The following APBB2 variants were observed in gnomAD, a reference collection of about 807,000 sequenced individuals.
APBB2 encodes the protein amyloid beta precursor protein binding family B member 2, also known as Fe65-like 1.
APBB2 carries 38 observed loss-of-function variants against 82.5 expected under a neutral mutation model. The ratio of observed to expected loss-of-function variants is 0.46; its 90% CI spans 0.36 to 0.60. The LOEUF is 0.60. Ranked by LOEUF, APBB2 falls within the 20% of genes least tolerant of loss-of-function variation. The pLI is 0.00. For missense variants in APBB2, 772 were observed against 972.3 expected, an observed-to-expected ratio of 0.79 and a Z score of 2.74; for synonymous variants, 341 against 368.2, an observed-to-expected ratio of 0.93 and a Z score of 0.85.
chr4:40,890,567 A>C lies in APBB2; in HGVS notation c.1402-76T>G, dbSNP rs1771709882. The C allele has an allele frequency of 1.3e-6, 2 of 1,565,952 alleles. 1 individual carries two copies. Among genetic ancestry groups the C allele is most frequent in the South Asian group, 2.4e-5 (2 of 84,850 alleles). ...CTAATCGTGTGTGTGGCCATCTAGG[A>C]ATGCCGTGTCAACCATCAGAAGAAG... is the stretch of plus-strand genomic sequence containing the variant. On this transcript the variant is annotated intron_variant, in intron 11 of 17. Coordinates refer to ENST00000508593, the MANE Select transcript of APBB2 (RefSeq NM_004307.2).
intron 4 of APBB2, among the ~76,000 whole-genome samples, chr4:41,042,643 A>G (rs1721959987): frequency 6.6e-6 from 1 of 150,944 alleles, no homozygotes; most frequent in South Asian, 2.1e-4. Context: ...GTGTTGGGAG[A>G]CTTGGGTAGG....
At chr4:40,919,480 T>A (rs1780713148) in intron 10 of APBB2, among the ~76,000 whole-genome samples, 1 of 152,200 alleles carries the variant, frequency 6.6e-6, no homozygotes. Context: ...CACTTTAAAT[T>A]TCTCTGGAAA....
intron 12 of APBB2, among the ~76,000 whole-genome samples, chr4:40,872,514 C>G (rs115116730): frequency 0.013 from 1,924 of 152,268 alleles, 49 homozygotes; most frequent in African/African-American, 0.044. Context: ...CCCATGAGGG[C>G]AAGAACCATG....
intron 1 of APBB2, among the ~76,000 whole-genome samples, chr4:41,176,829 G>T (rs990024854): frequency 3.9e-5 from 6 of 152,128 alleles, no homozygotes; most frequent in African/African-American, 1.4e-4. Context: ...AAAAAAATTT[G>T]AGATCTTATT....
At chr4:40,939,148 C>T (rs1786175877) in intron 7 of APBB2, among the ~76,000 whole-genome samples, 1 of 152,212 alleles carries the variant, frequency 6.6e-6, no homozygotes, top group Non-Finnish European at 1.5e-5. Flanking sequence ...ATAAGAAATA[C>T]ATTCCTTATC....
intron 1 of APBB2, among the ~76,000 whole-genome samples, chr4:41,176,696 T>TAAAAC (rs1425069782): frequency 6.6e-6 from 1 of 152,070 alleles, no homozygotes; most frequent in Non-Finnish European, 1.5e-5. Flanking sequence ...TGGCCCATAG[T>TAAAAC]TTAGGATCAA....
intron 12 of APBB2, among the ~76,000 whole-genome samples, chr4:40,855,017 C>T (rs2154329791): frequency 6.6e-6 from 1 of 152,296 alleles, no homozygotes; most frequent in South Asian, 2.1e-4. Context: ...TAAGCAAGTT[C>T]AAGATGACCG....
At chr4:41,133,420 G>C (rs1287309318) in intron 2 of APBB2, among the ~76,000 whole-genome samples, 2 of 152,080 alleles carry the variant, frequency 1.3e-5, no homozygotes, top group Admixed American at 6.6e-5. Flanking sequence ...GCCTCAAACT[G>C]CATCTCAGAA....
chr4:40,968,409 C>T (rs1795177217), intron 6 of APBB2, among the ~76,000 whole-genome samples: 1 of 152,174 alleles, frequency 6.6e-6, no homozygotes, highest in Non-Finnish European at 1.5e-5. Flanking sequence ...TCAAAACTGG[C>T]TTTATGACTG....
At chr4:41,073,735 T>C (rs1244258431) in intron 3 of APBB2, among the ~76,000 whole-genome samples, 4 of 151,980 alleles carry the variant, frequency 2.6e-5, no homozygotes, top group African/African-American at 9.7e-5. Context: ...TATATTAAAA[T>C]AAGACAAGTG....
intron 6 of APBB2, among the ~76,000 whole-genome samples, chr4:40,974,451 G>C (rs1435665457): frequency 6.6e-6 from 1 of 152,164 alleles, no homozygotes; most frequent in Admixed American, 6.5e-5. Flanking sequence ...TGCTCAAACA[G>C]ACCAACAAAT....
intron 10 of APBB2, among the ~76,000 whole-genome samples, chr4:40,899,869 G>A (rs568045933): frequency 6.6e-6 from 1 of 152,178 alleles, no homozygotes; most frequent in Non-Finnish European, 1.5e-5. Context: ...GAGACCAGGG[G>A]CCAGGAGCCA....
chr4:41,022,781 A>C (rs1205417682), intron 5 of APBB2, among the ~76,000 whole-genome samples: 1 of 152,220 alleles, frequency 6.6e-6, no homozygotes, highest in Non-Finnish European at 1.5e-5. Context: ...ATCTCAAAAA[A>C]TGTTGACATA....
chr4:41,007,956 A>G (rs761237097), intron 6 of APBB2, among the ~76,000 whole-genome samples: 2 of 152,364 alleles, frequency 1.3e-5, no homozygotes, highest in Non-Finnish European at 2.9e-5. Flanking sequence ...GAATACAGAG[A>G]AAGGACTTTA....
intron 2 of APBB2, chr4:41,113,834 A>T (rs1750039310): frequency 6.6e-6 from 1 of 152,158 alleles, no homozygotes; most frequent in African/African-American, 2.4e-5. Context: ...CACGCCTGTA[A>T]TCCCAGTACT....
chr4:40,901,049 G>T (rs912842642), intron 10 of APBB2, among the ~76,000 whole-genome samples: 8 of 152,154 alleles, frequency 5.3e-5, no homozygotes, highest in African/African-American at 1.9e-4. Flanking sequence ...GGGAGAAGGG[G>T]CCCAGCACAG....
chr4:40,954,156 C>T (rs1415360476), intron 6 of APBB2, among the ~76,000 whole-genome samples: 1 of 152,166 alleles, frequency 6.6e-6, no homozygotes, highest in African/African-American at 2.4e-5. Context: ...GGCTCACCTG[C>T]AGAAATCCAA....
At chr4:41,139,499 G>T (rs1397174555) in intron 2 of APBB2, among the ~76,000 whole-genome samples, 2 of 152,126 alleles carry the variant, frequency 1.3e-5, no homozygotes, top group African/African-American at 4.8e-5. Context: ...GTTCGTAACT[G>T]CCAAAACTTG....
At chr4:40,858,385 G>A (rs925904879) in intron 12 of APBB2, among the ~76,000 whole-genome samples, 3 of 148,140 alleles carry the variant, frequency 2.0e-5, no homozygotes, top group Non-Finnish European at 4.4e-5. Context: ...AACCTGGGAG[G>A]TGGAGGTTGC....
Sources: gnomAD v4.1 joint callset for allele counts (sites outside exome capture counted in the v4.1 genomes callset) on GRCh38, gnomAD v4.1.1 for gene constraint, MANE v1.5 for transcripts, NCBI Gene and HGNC (gene_info 2026-07-23, HGNC 2026-07-21) for gene names.